The following TAF4B variants were observed in gnomAD, a reference collection of about 807,000 sequenced individuals.
TAF4B encodes the protein TATA-box binding protein associated factor 4b, also known as transcription initiation factor TFIID subunit 4B.
In TAF4B, 38 loss-of-function variants were observed where a neutral mutation model predicts 86.4. The ratio of observed to expected loss-of-function variants is 0.44; its 90% CI spans 0.34 to 0.58. The LOEUF (loss-of-function observed/expected upper bound fraction) is 0.58, where lower values mean the gene tolerates loss of function less well. TAF4B is among the 20% of genes least tolerant of loss of function. The pLI is 0.02. For missense variants in TAF4B, 988 were observed against 1,027.6 expected, an observed-to-expected ratio of 0.96 and a Z score of 0.53; for synonymous variants, 388 against 391.2, an observed-to-expected ratio of 0.99 and a Z score of 0.10.
At chr18:26,319,083 A>G (rs909279179) in intron 10 of TAF4B, among the ~76,000 whole-genome samples, 3 of 152,144 alleles carry the variant, frequency 2.0e-5, no homozygotes, top group African/African-American at 7.2e-5. Context: ...ACTTCTAGCT[A>G]CTCAGCAGGC....
intron 10 of TAF4B, among the ~76,000 whole-genome samples, chr18:26,317,508 G>A (rs934572506): frequency 6.6e-5 from 10 of 152,126 alleles, no homozygotes; most frequent in African/African-American, 1.9e-4. Flanking sequence ...TGCTCAATTC[G>A]GCTGTCATAG....
intron 9 of TAF4B, among the ~76,000 whole-genome samples, chr18:26,294,083 T>G (rs2056631567): frequency 6.6e-6 from 1 of 152,184 alleles, no homozygotes. Context: ...TTCTGATGAT[T>G]ATATAATAAA....
In TAF4B at chr18:26,318,903, G is replaced by C. The variant is rs79052006; in HGVS notation, c.2003-2167G>C. On this transcript the variant is annotated intron_variant, in intron 10 of 14. Transcript: ENST00000269142. The stretch of plus-strand genomic sequence containing the variant: ...AATACATATGAAATTATTTTCAGAA[G>C]TTCTTCTTCAAACACTAAGGTGCCT... Among the ~76,000 whole-genome samples the C allele has an allele frequency of 4.6e-5, 7 of 152,314 alleles. No homozygotes were observed. In the East Asian group the frequency reaches 1.3e-3, roughly 29 times the overall value.
intron 10 of TAF4B, among the ~76,000 whole-genome samples, chr18:26,315,727 G>A (rs1276505798): frequency 6.6e-6 from 1 of 151,848 alleles, no homozygotes; most frequent in East Asian, 1.9e-4. Flanking sequence ...ATGTACAAAT[G>A]CACACTTATG....
At chr18:26,364,465 G>C (rs2057355640) in intron 14 of TAF4B, among the ~76,000 whole-genome samples, 1 of 145,102 alleles carries the variant, frequency 6.9e-6, no homozygotes, top group South Asian at 2.1e-4. Context: ...TTGTATGTGT[G>C]TATTGTTTAT....
chr18:26,289,177 C>T (rs1267869568), intron 7 of TAF4B, among the ~76,000 whole-genome samples: 1 of 152,162 alleles, frequency 6.6e-6, no homozygotes, highest in African/African-American at 2.4e-5. Context: ...TAATATTACT[C>T]GTTTGAAAGT....
intron 10 of TAF4B, among the ~76,000 whole-genome samples, chr18:26,317,547 C>T (rs1052983755): frequency 6.6e-6 from 1 of 152,134 alleles, no homozygotes; most frequent in Non-Finnish European, 1.5e-5. Context: ...AATGTGTAAA[C>T]AAATGGGCAT....
intron 9 of TAF4B, among the ~76,000 whole-genome samples, chr18:26,296,603 A>G (rs1441882381): frequency 6.6e-6 from 1 of 152,086 alleles, no homozygotes; most frequent in Non-Finnish European, 1.5e-5. Flanking sequence ...GGCAGTCATC[A>G]TCATCTTTCA....
intron 1 of TAF4B, among the ~76,000 whole-genome samples, chr18:26,257,810 C>T (rs6508426): frequency 0.43 from 65,347 of 150,312 alleles, 17,843 homozygotes; most frequent in African/African-American, 0.78. Flanking sequence ...CCCTTTCTTT[C>T]ATATAGTTCA....
chr18:26,377,451 T>C (rs973002350), intron 14 of TAF4B, among the ~76,000 whole-genome samples: 1 of 152,234 alleles, frequency 6.6e-6, no homozygotes, highest in Non-Finnish European at 1.5e-5. Flanking sequence ...GTGTTCCTTC[T>C]TAACTCTGCA....
intron 1 of TAF4B, among the ~76,000 whole-genome samples, chr18:26,252,339 G>A: frequency 6.6e-6 from 1 of 152,078 alleles, no homozygotes; most frequent in East Asian, 1.9e-4. Context: ...AAATACAGTT[G>A]ATTATTGAAT....
At chr18:26,323,852 T>C (rs1234872225) in intron 11 of TAF4B, among the ~76,000 whole-genome samples, 1 of 152,218 alleles carries the variant, frequency 6.6e-6, no homozygotes, top group East Asian at 1.9e-4. Context: ...TATAATTTGA[T>C]CATTTTTTAA....
At chr18:26,302,790 A>G (rs1425439887) in intron 9 of TAF4B, among the ~76,000 whole-genome samples, 1 of 152,016 alleles carries the variant, frequency 6.6e-6, no homozygotes, top group East Asian at 1.9e-4. Context: ...GCATTATTGA[A>G]TAATTTGTCC....
chr18:26,326,818 A>G (rs2057008573), intron 11 of TAF4B, among the ~76,000 whole-genome samples, 197 bp from the exon 12 acceptor site: 1 of 152,190 alleles, frequency 6.6e-6, no homozygotes, highest in Admixed American at 6.5e-5. Flanking sequence ...TCAAATTTTA[A>G]GAATGATTAA....
chr18:26,254,477 G>A (rs2056052984), intron 1 of TAF4B, among the ~76,000 whole-genome samples: 1 of 152,062 alleles, frequency 6.6e-6, no homozygotes, highest in African/African-American at 2.4e-5. Context: ...GAAGTAATCC[G>A]GAGCTGGAAC....
intron 11 of TAF4B, among the ~76,000 whole-genome samples, chr18:26,321,610 T>C (rs532429208): frequency 6.6e-6 from 1 of 151,816 alleles, no homozygotes; most frequent in East Asian, 1.9e-4. Flanking sequence ...AATTTTATTG[T>C]ATATATTAAT....
intron 14 of TAF4B, chr18:26,366,471 T>C (rs2057372279): frequency 2.0e-5 from 3 of 152,124 alleles, no homozygotes; most frequent in East Asian, 1.9e-4. Flanking sequence ...TAAAAGAAGG[T>C]AGATTGCTCG....
At chr18:26,326,315 A>T (rs1221308604) in intron 11 of TAF4B, among the ~76,000 whole-genome samples, 5 of 152,200 alleles carry the variant, frequency 3.3e-5, no homozygotes, top group African/African-American at 9.7e-5. Flanking sequence ...TTTGCATTTT[A>T]TCATTTTATG....
chr18:26,249,469 C>T (rs1319599112), intron 1 of TAF4B, among the ~76,000 whole-genome samples: 1 of 149,562 alleles, frequency 6.7e-6, no homozygotes, highest in Non-Finnish European at 1.5e-5. Flanking sequence ...AAAACTCTCT[C>T]TCTCTCTCAA....
Sources: allele counts gnomAD v4.1 joint callset (sites outside exome capture counted in the v4.1 genomes callset), GRCh38; gene constraint gnomAD v4.1.1; transcripts MANE v1.5; gene names NCBI Gene and HGNC (gene_info 2026-07-23, HGNC 2026-07-21).